The following VWA5B1 variants were observed in gnomAD, a reference collection of about 807,000 sequenced individuals.
The protein encoded by VWA5B1 is von Willebrand factor A domain-containing protein 5B1.
In VWA5B1, 115 loss-of-function variants were observed where a neutral mutation model predicts 118.2. That is an observed-to-expected ratio of 0.97 (90% CI 0.84 to 1.14). VWA5B1 has a LOEUF of 1.14. VWA5B1 is among the 50% of genes most tolerant of loss of function. The pLI, the probability that VWA5B1 is intolerant of heterozygous loss-of-function variation, is 0.00. For missense variants in VWA5B1, 1,596 were observed against 1,603.8 expected (o/e 1.00, Z 0.08); for synonymous variants, 682 against 658.4 (o/e 1.04, Z -0.55).
intron 1 of VWA5B1, among the ~76,000 whole-genome samples, chr1:20,292,912 C>G (rs2088338946): frequency 6.6e-6 from 1 of 152,190 alleles, no homozygotes. Flanking sequence ...GGCTCCTGAC[C>G]TGGAAATGGC....
chr1:20,307,902 G>C (rs944015129), intron 1 of VWA5B1, among the ~76,000 whole-genome samples: 3 of 151,856 alleles, frequency 2.0e-5, no homozygotes, highest in Non-Finnish European at 2.9e-5. Context: ...TTAGATTTAG[G>C]GGGTACATAT....
rs1414641844 is a variant in VWA5B1, at chr1:20,353,835, C to T, written c.3220C>T (p.Leu1074Phe). The T allele has an allele frequency of 6.6e-7, 1 of 1,524,794 alleles. No individual in the cohort carries two copies. The highest frequency in any genetic ancestry group is 1.4e-5 in the African/African-American group (1 of 72,462). The allele number at this position is 1,524,794 out of a possible 1,614,324, so 94.5% of individuals were successfully genotyped here. A position where few individuals can be genotyped will look rare whatever the true frequency, so the allele number is the denominator to read the frequency against. The change falls in exon 22 of 22, where the codon CTC becomes TTC. Residue 1074 changes from leucine to phenylalanine, a missense_variant. By Grantham distance (22) the Leu-to-Phe change is conservative. Coordinates refer to ENST00000289815, the MANE Select transcript of VWA5B1 (RefSeq NM_001039500.3). ...CEATHIPMEK[L>F]KWTSPFTCHR... ...GGCCACGCACATCCCCATGGAGAAG[C>T]TCAAGTGGACGTCCCCCTTCACCTG...
rs1432727798 is a variant in VWA5B1 at position 20,343,602 on chromosome 1, C to T, written c.2626+209C>T. 3.8e-4 allele frequency among the ~76,000 whole-genome samples: 55 copies of T among 145,864 alleles called. 1 individual carries two copies. Among genetic ancestry groups the T allele is most frequent in the Non-Finnish European group, 1.2e-4 (8 of 66,236 alleles). On this transcript the variant is annotated intron_variant, in intron 16 of 21. Coordinates refer to ENST00000289815, the MANE Select transcript of VWA5B1 (RefSeq NM_001039500.3). Reference sequence around the variant, plus strand: ...CCCTATGACCCGCCCACCTCTTCCCCTTCCAGGCCCCACTCTCGCCCCATC... The same window carrying T: ...CCCTATGACCCGCCCACCTCTTCCCTTTCCAGGCCCCACTCTCGCCCCATC...
chr1:20,323,537 C>T lies in VWA5B1; in HGVS notation c.1143+5C>T. On this transcript the variant is annotated splice_donor_5th_base_variant and intron_variant, in intron 8 of 21. Transcript: ENST00000289815. Reference sequence around the variant, plus strand: ...ATCAGCATGCACCGAGTCAAGGTACCTGCTGAGAGAACCCCTCCCGAGGAC... The same window carrying T: ...ATCAGCATGCACCGAGTCAAGGTACTTGCTGAGAGAACCCCTCCCGAGGAC... The T allele has an allele frequency of 7.1e-7, 1 of 1,417,726 alleles. No individual in the cohort carries two copies. The highest frequency in any genetic ancestry group is 2.9e-5 in the East Asian group (1 of 34,640). The allele number at this position is 1,417,726 out of a possible 1,614,324, so 87.8% of individuals were successfully genotyped here. A position where few individuals can be genotyped will look rare whatever the true frequency, so the allele number is the denominator to read the frequency against.
intron 8 of VWA5B1, among the ~76,000 whole-genome samples, chr1:20,325,217 T>C (rs1301720703): frequency 2.0e-5 from 3 of 152,210 alleles, no homozygotes; most frequent in Admixed American, 2.0e-4. Context: ...TTATGCATAC[T>C]GTTCCACTAA....
rs61744712 is a variant in VWA5B1, at chr1:20,350,207, G to A, written c.2930G>A (p.Arg977His). The change falls in exon 19 of 22, where the codon CGC (arginine) becomes CAC (histidine). Residue 977 changes from arginine (R) to histidine (H), a missense_variant. By Grantham distance (29) the Arg-to-His change is conservative. Transcript: ENST00000289815. Reference sequence around the variant, plus strand: ...TTCAGCGAGGCCAGGTCCCCCGGCCGCGAGAAGCACGGTGCTTCTGAAGGT... The same window carrying A: ...TTCAGCGAGGCCAGGTCCCCCGGCCACGAGAAGCACGGTGCTTCTGAAGGT... ...ALFSEARSPG[R>H]EKHGASEGPQ... is the part of the protein sequence containing the mutation. 11,248 of 1,551,096 alleles carry A rather than the reference G, an allele frequency of 7.3e-3. 621 individuals carry two copies. The African/African-American group carries it at 0.13, about 17-fold the overall frequency.
chr1:20,314,431 C>A lies in VWA5B1; in HGVS notation c.402C>A (p.Thr134=), dbSNP rs2088940406. ...ERILFVANLG[T]IAPMENVTIF... ...TCCTGTTCGTGGCCAACCTGGGGAC[C>A]ATTGCCCCCATGGAGAATGTCACCA... Residue 134 remains threonine, a synonymous_variant, in exon 4 of 22, where the codon ACC becomes ACA. Transcript: ENST00000289815. The A allele has an allele frequency of 2.6e-6, 4 of 1,551,876 alleles. No homozygotes were observed. The highest frequency in any genetic ancestry group is 3.3e-4 in the Middle Eastern group (2 of 5,992).
At chr1:20,332,213 C>T (rs1026204692) in intron 11 of VWA5B1, among the ~76,000 whole-genome samples, 1 of 152,138 alleles carries the variant, frequency 6.6e-6, no homozygotes, top group African/African-American at 2.4e-5. Context: ...TGTGCAGTGG[C>T]TCACGCCTGT....
intron 1 of VWA5B1, chr1:20,294,187 G>A (rs1335152452): frequency 6.6e-6 from 1 of 152,182 alleles, no homozygotes; most frequent in African/African-American, 2.4e-5. Flanking sequence ...AAGAACTCCT[G>A]GATTTGAGGT....
chr1:20,331,103 C>T, intron 11 of VWA5B1, 120 bp downstream of exon 11: 2 of 783,838 alleles, frequency 2.6e-6, no homozygotes, highest in Admixed American at 2.9e-5. Flanking sequence ...CTTCACTAGG[C>T]CACACTGCAT....
rs1345306593 is a variant in VWA5B1, at chr1:20,357,867, T to G, written c.*3604T>G. On this transcript the variant is annotated 3_prime_UTR_variant, in exon 22 of 22. Coordinates refer to ENST00000289815, the MANE Select transcript of VWA5B1 (RefSeq NM_001039500.3). ...TATGGGTACAGATGACCACAATAGC[T>G]CATGGTATTGCACAGCCAGAGGGGA... 6.6e-6 allele frequency among the ~76,000 whole-genome samples: 1 copy of G among 152,086 alleles called. No homozygotes were observed. The highest frequency in any genetic ancestry group is 1.5e-5 in the Non-Finnish European group (1 of 68,012).
chr1:20,338,323 C>T (rs912737737), intron 14 of VWA5B1: 1 of 332,030 alleles, frequency 3.0e-6, no homozygotes, highest in Admixed American at 4.0e-5. Context: ...TATACATTTA[C>T]CCAGGGCAGA....
intron 20 of VWA5B1, among the ~76,000 whole-genome samples, 173 bp from the exon 21 acceptor site, chr1:20,351,882 G>A (rs2090137139): frequency 1.3e-5 from 2 of 152,180 alleles, no homozygotes; most frequent in Admixed American, 6.5e-5. Flanking sequence ...CTCATTGAGT[G>A]ACTTGGAGCA....
chr1:20,304,558 T>C (rs1220588957), intron 1 of VWA5B1, among the ~76,000 whole-genome samples: 2 of 151,172 alleles, frequency 1.3e-5, no homozygotes, highest in Admixed American at 6.6e-5. Context: ...TGGAGGTGTG[T>C]GTGTGTGTGC....
At chr1:20,321,865 T>C (rs2089229184) in intron 7 of VWA5B1, among the ~76,000 whole-genome samples, 1 of 151,874 alleles carries the variant, frequency 6.6e-6, no homozygotes, top group East Asian at 1.9e-4. Flanking sequence ...AGAGAGGAGG[T>C]GGACAGGCAG....
chr1:20,294,746 C>T (rs1347845319), intron 1 of VWA5B1, among the ~76,000 whole-genome samples: 1 of 152,022 alleles, frequency 6.6e-6, no homozygotes, highest in Non-Finnish European at 1.5e-5. Flanking sequence ...TGCACCACCA[C>T]GCCAGGCTAA....
At chr1:20,336,190 G>C (rs1219334285) in intron 12 of VWA5B1, 113 bp from the exon 13 acceptor site, 4 of 952,354 alleles carry the variant, frequency 4.2e-6, no homozygotes, top group Non-Finnish European at 5.6e-6. Flanking sequence ...CTGTTGAGCT[G>C]TTTCTTCAGA....
In VWA5B1 at chr1:20,317,514, C is replaced by A. The variant is rs1278986318; in HGVS notation, c.564-16C>A. ...ACCCTGGCTGGTCTCCTTTCCTTCC[C>A]CCGGCCCTTTTCCAGCAAAGACAGG... On this transcript the variant is annotated splice_polypyrimidine_tract_variant and intron_variant, in intron 4 of 21. Coordinates refer to ENST00000289815, the MANE Select transcript of VWA5B1 (RefSeq NM_001039500.3). 1 of 1,550,706 alleles carries A rather than the reference C, an allele frequency of 6.4e-7. No homozygotes were observed. Among genetic ancestry groups the A allele is most frequent in the Non-Finnish European group, 8.7e-7 (1 of 1,146,508 alleles).
At chr1:20,295,958 G>A (rs2088398970) in intron 1 of VWA5B1, among the ~76,000 whole-genome samples, 1 of 152,118 alleles carries the variant, frequency 6.6e-6, no homozygotes, top group East Asian at 1.9e-4. Context: ...CGCCTCCTAG[G>A]TTCAAGTGAT....
Sources: allele counts gnomAD v4.1 joint callset (sites outside exome capture counted in the v4.1 genomes callset), GRCh38; gene constraint gnomAD v4.1.1; transcripts MANE v1.5; gene names NCBI Gene and HGNC (gene_info 2026-07-23, HGNC 2026-07-21).